CCDC144A: variants seen among roughly 807,000 people sequenced by gnomAD.
CCDC144A encodes the protein coiled-coil domain containing 144A.
In CCDC144A, 41 loss-of-function variants were observed where a neutral mutation model predicts 143.8. That is an observed-to-expected ratio of 0.29 (90% CI 0.22 to 0.37). The LOEUF is 0.37. Among genes scored for constraint, CCDC144A ranks in the 10% least tolerant of loss-of-function variants. CCDC144A has a pLI of 1.00. For synonymous variants in CCDC144A, 242 were observed against 517.9 expected (o/e 0.47, Z 7.23); for missense variants, 637 against 1,488.8 (o/e 0.43, Z 9.41).
chr17:16,713,544 T>C (rs188935619), intron 6 of CCDC144A, among the ~76,000 whole-genome samples: 3 of 152,326 alleles, frequency 2.0e-5, no homozygotes, highest in African/African-American at 7.2e-5. Context: ...TATAAAATAT[T>C]CTAGAATTAG....
chr17:16,675,493 A>G, the CCDC144A span, among the ~76,000 whole-genome samples: 1 of 151,834 alleles, frequency 6.6e-6, no homozygotes, highest in Non-Finnish European at 1.5e-5. Flanking sequence ...AGCTTCCCAC[A>G]CTGAAATTTA....
intron 12 of CCDC144A, among the ~76,000 whole-genome samples, chr17:16,744,385 T>C (rs1258580107): frequency 6.6e-6 from 1 of 152,214 alleles, no homozygotes; most frequent in East Asian, 1.9e-4. Flanking sequence ...TTTTTGACTT[T>C]CTAGTAATAG....
chr17:16,745,184 A>G (rs1364625019), intron 12 of CCDC144A, among the ~76,000 whole-genome samples: 1 of 150,836 alleles, frequency 6.6e-6, no homozygotes, highest in Non-Finnish European at 1.5e-5. Context: ...AACAAGAACT[A>G]CTCTTCACTC....
intron 11 of CCDC144A, among the ~76,000 whole-genome samples, 168 bp downstream of exon 11, chr17:16,732,834 A>G (rs1913807235): frequency 6.6e-6 from 1 of 150,932 alleles, no homozygotes; most frequent in Non-Finnish European, 1.5e-5. Flanking sequence ...TTTTTGGCTC[A>G]TTGAATAAAG....
chr17:16,682,980 C>A, the CCDC144A span, among the ~76,000 whole-genome samples: 3 of 137,982 alleles, frequency 2.2e-5, no homozygotes, highest in African/African-American at 2.7e-5. Flanking sequence ...CAGCTCACTG[C>A]AACCTCTGCC....
At chr17:16,724,927 A>T (rs1249902054) in intron 8 of CCDC144A, among the ~76,000 whole-genome samples, 1 of 142,404 alleles carries the variant, frequency 7.0e-6, no homozygotes, top group East Asian at 2.1e-4. Flanking sequence ...CTAGGATTAC[A>T]GGCATGAGCC....
chr17:16,733,604 G>A (rs1913854797), intron 11 of CCDC144A, among the ~76,000 whole-genome samples: 1 of 149,262 alleles, frequency 6.7e-6, no homozygotes. Context: ...TTAAGTTATT[G>A]TAATAACAGA....
intron 16 of CCDC144A, 79 bp downstream of exon 16, chr17:16,772,098 C>T (rs1245798074): frequency 1.3e-4 from 120 of 925,930 alleles, no homozygotes; most frequent in Non-Finnish European, 1.7e-4. Context: ...CATCCCTTTC[C>T]GTTCTTGGGC....
At chr17:16,733,499 G>A (rs1196974980) in intron 11 of CCDC144A, among the ~76,000 whole-genome samples, 5 of 145,384 alleles carry the variant, frequency 3.4e-5, no homozygotes, top group Admixed American at 2.1e-4. Context: ...GCGAGACTCC[G>A]TCTCAAAAAA....
chr17:16,762,463 T>C lies in CCDC144A; in HGVS notation c.3817T>C (p.Leu1273=). The change falls in exon 14 of 17, where the codon TTG becomes CTG. Residue 1273 remains leucine (L), a synonymous_variant. Coordinates refer to ENST00000399273, the MANE Select transcript of CCDC144A (RefSeq NM_001382000.1). ...TSQADFNKTE[L]ERYKELYLEE... ...GCAAGCCGACTTTAATAAAACCGAA[T>C]TGGAAAGATATAAGGAACTCTACCT... The C allele has an allele frequency of 1.3e-6, 2 of 1,592,714 alleles. No individual in the cohort carries two copies. Among genetic ancestry groups the C allele is most frequent in the Non-Finnish European group, 1.7e-6 (2 of 1,170,280 alleles).
intron 12 of CCDC144A, among the ~76,000 whole-genome samples, chr17:16,758,648 T>C (rs1329696114): frequency 6.6e-6 from 1 of 152,266 alleles, no homozygotes; most frequent in African/African-American, 2.4e-5. Flanking sequence ...CCTCTGTGGC[T>C]TTTTGTGGTA....
chr17:16,737,468 A>G (rs764216402), intron 12 of CCDC144A: 156 of 1,267,668 alleles, frequency 1.2e-4, no homozygotes, highest in Non-Finnish European at 1.6e-4. Context: ...GCCCGGCCAG[A>G]GTTAAATCTT....
chr17:16,755,988 T>A (rs1402805285), intron 12 of CCDC144A, among the ~76,000 whole-genome samples: 9 of 152,214 alleles, frequency 5.9e-5, no homozygotes, highest in Non-Finnish European at 1.2e-4. Context: ...CTGACAAATA[T>A]GCTATTTGAT....
rs560236695 is a variant in CCDC144A, at chr17:16,726,544, T to C, written c.1892-983T>C. ...CTAATTTCCTGCTCCTGAGGCAAGA[T>C]CTTTGTGATGACTCTATTCATTGCC... On this transcript the variant is annotated intron_variant, in intron 8 of 16. Transcript: ENST00000399273. Among the ~76,000 whole-genome samples, 8 of 152,052 alleles carry C rather than the reference T, an allele frequency of 5.3e-5. No homozygotes were observed. In the East Asian group the frequency reaches 1.6e-3, roughly 30 times the overall value.
chr17:16,678,259 C>T, the CCDC144A span, among the ~76,000 whole-genome samples: 36 of 152,090 alleles, frequency 2.4e-4, no homozygotes, highest in African/African-American at 8.2e-4. Flanking sequence ...TCCTTCCTCC[C>T]ACTCTCCAAC....
Position 16,745,923 on chromosome 17 carries a change from C to T in CCDC144A, c.3372+10280C>T, listed in dbSNP as rs1256509598. 10 of 1,603,778 alleles carry T rather than the reference C, an allele frequency of 6.2e-6. No individual in the cohort carries two copies. In the Admixed American group the frequency reaches 1.7e-4, roughly 28 times the overall value. On this transcript the variant is annotated intron_variant, in intron 12 of 16. Transcript: ENST00000399273. ...CCATCTCTGCTCATCCTCACTCCTT[C>T]TGGAAAGCCGGTCAGGCTCGTGGTG...
At chr17:16,747,003 A>T (rs1914566666) in intron 12 of CCDC144A, among the ~76,000 whole-genome samples, 1 of 148,316 alleles carries the variant, frequency 6.7e-6, no homozygotes, top group Non-Finnish European at 1.5e-5. Context: ...CTAATAGTGT[A>T]TTTCTTAGGT....
chr17:16,745,548 C>A, intron 12 of CCDC144A: 1 of 1,330,064 alleles, frequency 7.5e-7, no homozygotes, highest in Non-Finnish European at 1.1e-6. Flanking sequence ...GGAATAAGTT[C>A]TCCTTCCCAG....
At chr17:16,729,292 T>TCAAAC (rs1913594651) in intron 9 of CCDC144A, among the ~76,000 whole-genome samples, 6 of 152,218 alleles carry the variant, frequency 3.9e-5, no homozygotes, top group African/African-American at 7.2e-5. Context: ...CTGGCTGGAG[T>TCAAAC]AAGGTGATAT....
Sources: allele counts gnomAD v4.1 joint callset (sites outside exome capture counted in the v4.1 genomes callset), GRCh38; gene constraint gnomAD v4.1.1; transcripts MANE v1.5; gene names NCBI Gene and HGNC (gene_info 2026-07-23, HGNC 2026-07-21).